Variants in WDPCP observed in about 807,000 individuals in gnomAD.
WDPCP encodes the protein WD repeat containing planar cell polarity effector.
Under a neutral mutation model 93.1 loss-of-function variants are expected in WDPCP, and 71 were observed. The observed-to-expected ratio is 0.76, with a 90% confidence interval of 0.63 to 0.93. The LOEUF (loss-of-function observed/expected upper bound fraction) is 0.93, where lower values mean the gene tolerates loss of function less well. Ranked by LOEUF, WDPCP falls within the 40% of genes least tolerant of loss-of-function variation. WDPCP has a pLI of 0.00. For missense variants in WDPCP, 844 were observed against 887.4 expected, an observed-to-expected ratio of 0.95 and a Z score of 0.62; for synonymous variants, 315 against 315.0, an observed-to-expected ratio of 1.00 and a Z score of 0.00.
the WDPCP span, among the ~76,000 whole-genome samples, chr2:63,840,406 C>T: frequency 6.6e-6 from 1 of 152,230 alleles, no homozygotes; most frequent in Non-Finnish European, 1.5e-5. Context: ...GAAAAGTAAA[C>T]GCCTATCACA....
chr2:63,587,497 T>C (rs1195680987), intron 1 of WDPCP, among the ~76,000 whole-genome samples: 2 of 152,144 alleles, frequency 1.3e-5, no homozygotes, highest in Non-Finnish European at 1.5e-5. Flanking sequence ...TAGAGAAAAA[T>C]TGAAAGATAT....
At chr2:63,597,383 A>G in intron 3 of WDPCP, 1 of 1,351,742 alleles carries the variant, frequency 7.4e-7, no homozygotes. Context: ...CTGCGTATTT[A>G]TTGCCATGTC....
chr2:63,687,013 T>G (rs910924696), intron 2 of WDPCP, among the ~76,000 whole-genome samples: 7 of 152,140 alleles, frequency 4.6e-5, no homozygotes, highest in African/African-American at 1.7e-4. Context: ...CTGGGCCACA[T>G]CAGAAGAAGA....
At chr2:63,244,618 G>A (rs750333982) in intron 14 of WDPCP, among the ~76,000 whole-genome samples, 1 of 152,134 alleles carries the variant, frequency 6.6e-6, no homozygotes, top group East Asian at 1.9e-4. Flanking sequence ...AAATCTAGAG[G>A]AAATGGATAA....
Position 63,439,844 on chromosome 2 carries a change from A to T in WDPCP, c.412T>A (p.Ser138Thr). The T allele has an allele frequency of 6.2e-7, 1 of 1,613,264 alleles. No homozygotes were observed. Among genetic ancestry groups the T allele is most frequent in the South Asian group, 1.1e-5 (1 of 91,064 alleles). ...AGCTGCGGCCCAGAAAGGCTTAGAG[A>T]CACCAGCACACCTGAACCAAAAAGG... ...QLLFGSGVLV[S>T]LSLSGPQLEK... Residue 138 changes from serine to threonine, a missense_variant, in exon 7 of 18, where the codon TCT (serine) becomes ACT (threonine). By Grantham distance (58) the Ser-to-Thr change is moderately conservative. Transcript: ENST00000272321.
At chr2:63,552,899 A>T (rs1705788896) in intron 1 of WDPCP, among the ~76,000 whole-genome samples, 1 of 152,262 alleles carries the variant, frequency 6.6e-6, no homozygotes, top group South Asian at 2.1e-4. Context: ...TTCAGCGTAA[A>T]ATAAATACAA....
chr2:63,240,183 T>G (rs1168717696), intron 14 of WDPCP, among the ~76,000 whole-genome samples: 2 of 152,054 alleles, frequency 1.3e-5, no homozygotes, highest in African/African-American at 4.8e-5. Flanking sequence ...ACTCTTAGTA[T>G]TTTTTGTTTT....
chr2:63,123,337 A>T (rs1268302405), intron 17 of WDPCP, among the ~76,000 whole-genome samples: 3 of 152,094 alleles, frequency 2.0e-5, no homozygotes, highest in African/African-American at 7.2e-5. Flanking sequence ...TATTTTCTTA[A>T]TATCTAGATA....
chr2:63,683,582 G>C (rs146854604), intron 2 of WDPCP, among the ~76,000 whole-genome samples: 1,545 of 152,324 alleles, frequency 0.01, 16 homozygotes, highest in Non-Finnish European at 0.016. Context: ...GCTGGGCGCA[G>C]TGGCTCACAT....
intron 2 of WDPCP, among the ~76,000 whole-genome samples, chr2:63,802,686 A>T (rs1306101146): frequency 2.6e-5 from 4 of 152,194 alleles, no homozygotes; most frequent in Admixed American, 2.6e-4. Context: ...TAGTCTGGCA[A>T]ATGAATTAGG....
Position 63,764,291 on chromosome 2 carries a change from T to C in WDPCP, n.308+49331A>G, listed in dbSNP as rs150146077. On this transcript the variant is annotated intron_variant and non_coding_transcript_variant, in intron 2 of 4. Coordinates refer to the WDPCP transcript ENST00000467687. ...AGGAAAAGTATTTTCCTCCAAAAAG[T>C]ATAAAAATTGTAACTTTAATAATAG... Among the ~76,000 whole-genome samples, 14 of 152,216 alleles carry C rather than the reference T, an allele frequency of 9.2e-5. No homozygotes were observed. The East Asian group carries it at 2.5e-3, about 27-fold the overall frequency.
intron 2 of WDPCP, among the ~76,000 whole-genome samples, chr2:63,799,599 TTC>T (rs1453551767): frequency 6.6e-6 from 1 of 152,186 alleles, no homozygotes; most frequent in Non-Finnish European, 1.5e-5. Context: ...CTGCAAACAT[TTC>T]TGTAAAGGCT....
At chr2:63,560,802 G>C (rs2106410349) in intron 1 of WDPCP, among the ~76,000 whole-genome samples, 1 of 152,278 alleles carries the variant, frequency 6.6e-6, no homozygotes, top group Admixed American at 6.5e-5. Flanking sequence ...TGGACACAGG[G>C]AGGGGAACAT....
chr2:63,571,505 C>T (rs919502744), intron 1 of WDPCP: 41 of 468,846 alleles, frequency 8.7e-5, no homozygotes, highest in South Asian at 4.5e-4. Flanking sequence ...TTTGTTTATT[C>T]GGTGATACTC....
chr2:63,715,909 G>A (rs1256379779), intron 2 of WDPCP, among the ~76,000 whole-genome samples: 1 of 152,174 alleles, frequency 6.6e-6, no homozygotes. Flanking sequence ...CATGGTATAG[G>A]AATTTACTAT....
chr2:63,772,458 C>T (rs1400050254), intron 2 of WDPCP, among the ~76,000 whole-genome samples: 1 of 152,052 alleles, frequency 6.6e-6, no homozygotes, highest in Non-Finnish European at 1.5e-5. Context: ...GACCACATAA[C>T]CTGGTACCAA....
chr2:63,193,799 A>G (rs1390055851), intron 14 of WDPCP, among the ~76,000 whole-genome samples: 1 of 152,234 alleles, frequency 6.6e-6, no homozygotes, highest in Non-Finnish European at 1.5e-5. Context: ...TTATCAAAAT[A>G]GAGCAGTCAT....
At chr2:63,384,752 A>C (rs1053350649) in intron 10 of WDPCP, among the ~76,000 whole-genome samples, 2 of 152,010 alleles carry the variant, frequency 1.3e-5, no homozygotes, top group Non-Finnish European at 1.5e-5. Context: ...AAAAAAAAAA[A>C]ATTAACAAAA....
chr2:63,230,846 T>C (rs1678804131), intron 14 of WDPCP, among the ~76,000 whole-genome samples: 1 of 152,216 alleles, frequency 6.6e-6, no homozygotes, highest in East Asian at 1.9e-4. Context: ...CTTTGTCAGA[T>C]GGGTAGATTG....
Sources: gnomAD v4.1 joint callset for allele counts (sites outside exome capture counted in the v4.1 genomes callset) on GRCh38, gnomAD v4.1.1 for gene constraint, MANE v1.5 for transcripts, NCBI Gene and HGNC (gene_info 2026-07-23, HGNC 2026-07-21) for gene names.